The following HERC6 variants were observed in gnomAD, a reference collection of about 807,000 sequenced individuals.
The protein encoded by HERC6 is HECT and RLD domain containing E3 ubiquitin protein ligase family member 6, also known as probable E3 ubiquitin-protein ligase HERC6.
In HERC6, 101 loss-of-function variants were observed where a neutral mutation model predicts 114.5. The ratio of observed to expected loss-of-function variants is 0.88; its 90% CI spans 0.75 to 1.04. HERC6 has a LOEUF of 1.04. Among genes scored for constraint, HERC6 ranks in the 50% least tolerant of loss-of-function variants. The pLI, the probability that HERC6 is intolerant of heterozygous loss-of-function variation, is 0.00. For missense variants in HERC6, 1,133 were observed against 1,230.9 expected, an observed-to-expected ratio of 0.92 and a Z score of 1.19; for synonymous variants, 408 against 436.2, an observed-to-expected ratio of 0.94 and a Z score of 0.81.
At chr4:88,403,647 G>T (rs1028680336) in intron 8 of HERC6, among the ~76,000 whole-genome samples, 1 of 151,924 alleles carries the variant, frequency 6.6e-6, no homozygotes, top group African/African-American at 2.4e-5. Context: ...CCAGCTACTC[G>T]GGAGGCTGAG....
chr4:88,438,477 C>T (rs1738992448), intron 20 of HERC6, among the ~76,000 whole-genome samples: 1 of 152,116 alleles, frequency 6.6e-6, no homozygotes. Flanking sequence ...TTCCTGAGCT[C>T]AGGCAGTCCT....
At chr4:88,413,391 A>T in intron 12 of HERC6, 125 bp downstream of exon 12, 2 of 637,378 alleles carry the variant, frequency 3.1e-6, no homozygotes, top group Non-Finnish European at 5.3e-6. Context: ...CATGTAAATT[A>T]TTGAAAAGAT....
intron 5 of HERC6, among the ~76,000 whole-genome samples, chr4:88,394,278 G>A (rs982834306): frequency 3.3e-5 from 5 of 151,792 alleles, no homozygotes; most frequent in African/African-American, 4.8e-5. Flanking sequence ...TTCAAGACCA[G>A]CCTGGCCAAC....
At chr4:88,383,048 A>G in intron 1 of HERC6, 173 bp from the exon 2 acceptor site, 1 of 719,072 alleles carries the variant, frequency 1.4e-6, no homozygotes, top group Non-Finnish European at 2.2e-6. Context: ...CATACATTGA[A>G]TTTACTTCCT....
chr4:88,412,837 T>G (rs1736193525), intron 11 of HERC6, among the ~76,000 whole-genome samples: 1 of 152,234 alleles, frequency 6.6e-6, no homozygotes. Flanking sequence ...CTCATGGGAT[T>G]TCACTTTATT....
intron 13 of HERC6, among the ~76,000 whole-genome samples, chr4:88,421,666 G>T (rs1448307398): frequency 6.6e-6 from 1 of 152,086 alleles, no homozygotes; most frequent in Middle Eastern, 3.4e-3. Flanking sequence ...GACTGGTCCC[G>T]AACTCCTGAC....
At chr4:88,431,138 T>G (rs545157341) in intron 16 of HERC6, 24 bp from the exon 17 acceptor site, 1 of 1,594,750 alleles carries the variant, frequency 6.3e-7, no homozygotes, top group East Asian at 2.2e-5. Flanking sequence ...AGTCAGGATC[T>G]GGGACTATGT....
intron 20 of HERC6, 131 bp downstream of exon 20, chr4:88,437,912 G>T (rs1234434086): frequency 1.5e-6 from 1 of 680,976 alleles, no homozygotes; most frequent in Non-Finnish European, 2.5e-6. Context: ...GCTGAGGTGG[G>T]TGGATCACTT....
chr4:88,442,483 G>A lies in HERC6; in HGVS notation c.*23G>A, dbSNP rs1381634556. On this transcript the variant is annotated 3_prime_UTR_variant, in exon 23 of 23. Transcript: ENST00000264346. Reference sequence around the variant, plus strand: ...TAATCACCTCTGAGAGACTCAGGGTGGGCTTTCTCACACTTGGATCCTTCT... The same window carrying A: ...TAATCACCTCTGAGAGACTCAGGGTAGGCTTTCTCACACTTGGATCCTTCT... 3 of 1,560,346 alleles carry A rather than the reference G, an allele frequency of 1.9e-6. No homozygotes were observed. The highest frequency in any genetic ancestry group is 2.2e-5 in the South Asian group (2 of 89,188).
Position 88,385,570 on chromosome 4 carries a change from C to G in HERC6, c.431C>G (p.Ser144Ter). 6.7e-7 allele frequency: 1 copy of G among 1,489,486 alleles called. No individual in the cohort carries two copies. The highest frequency in any genetic ancestry group is 9.0e-7 in the Non-Finnish European group (1 of 1,111,586). 92.3% of individuals were successfully genotyped at this position (1,489,486 alleles called of 1,614,324 possible). ...SCGHYHSLAL[S>*]KDSQVFSWGK... is the part of the protein sequence containing the mutation. Reference sequence around the variant, plus strand: ...GGACACTACCACTCCCTGGCATTATCAAAAGGTAAGAAACACTTTTTGGAT... The same window carrying G: ...GGACACTACCACTCCCTGGCATTATGAAAAGGTAAGAAACACTTTTTGGAT... Residue 144 changes from serine (S) to a stop codon, truncating the protein, a stop_gained, in exon 3 of 23, where the codon TCA (serine) becomes TGA (stop). Transcript: ENST00000264346. LOFTEE classifies it high-confidence loss of function.
rs58142519 is a variant in HERC6, at chr4:88,385,024, GAA to G, written c.360-465_360-464del. Among the ~76,000 whole-genome samples the G allele has an allele frequency of 4.1e-5, 6 of 146,796 alleles. No individual in the cohort carries two copies. The East Asian group carries it at 5.9e-4, about 15-fold the overall frequency. On this transcript the variant is annotated intron_variant, in intron 2 of 22. Coordinates refer to ENST00000264346, the MANE Select transcript of HERC6 (RefSeq NM_017912.4). ...GGTGACAGAGCAAGACTCCGTCTGT[GAA>G]AAAAAAAAAGGAAATTGCTGATAGT...
At position 88,390,844 on chromosome 4, in the gene HERC6, C is replaced by T; in HGVS notation, c.629C>T (p.Ala210Val). The T allele has an allele frequency of 6.2e-7, 1 of 1,613,774 alleles. No individual in the cohort carries two copies. The highest frequency in any genetic ancestry group is 1.7e-5 in the Admixed American group (1 of 59,986). ...GTSFGWGSNS[A>V]GQLALSGRNV... ...TCGTTTGGCTGGGGAAGTAACAGTG[C>T]CGGGCAGCTGGCCCTCAGTGGGCGT... Residue 210 changes from alanine to valine, a missense_variant, in exon 4 of 23, where the codon GCC becomes GTC. Physicochemically the swap from Ala to Val is moderately conservative, Grantham distance 64 (BLOSUM62 0). Transcript: ENST00000264346.
intron 12 of HERC6, among the ~76,000 whole-genome samples, chr4:88,414,701 C>T (rs184302153): frequency 2.6e-4 from 40 of 152,232 alleles, no homozygotes; most frequent in African/African-American, 8.9e-4. Flanking sequence ...TAAACTGTCA[C>T]GGTGCTGGTG....
At chr4:88,402,012 T>C (rs1238929719) in intron 8 of HERC6, among the ~76,000 whole-genome samples, 1 of 152,170 alleles carries the variant, frequency 6.6e-6, no homozygotes, top group African/African-American at 2.4e-5. Context: ...AAAAGAGTTA[T>C]AGGTGTGATT....
intron 17 of HERC6, among the ~76,000 whole-genome samples, chr4:88,432,448 G>A (rs1016545752): frequency 1.3e-5 from 2 of 151,948 alleles, no homozygotes; most frequent in African/African-American, 2.4e-5. Flanking sequence ...GGCCAGGTGC[G>A]GTGGCTCACA....
intron 17 of HERC6, among the ~76,000 whole-genome samples, chr4:88,432,352 T>A (rs900923588): frequency 2.7e-5 from 4 of 150,642 alleles, no homozygotes; most frequent in Non-Finnish European, 5.9e-5. Flanking sequence ...GCCTTTCACA[T>A]AGGGATACTG....
At chr4:88,434,571 A>T (rs1325744424) in intron 17 of HERC6, among the ~76,000 whole-genome samples, 1 of 152,176 alleles carries the variant, frequency 6.6e-6, no homozygotes, top group Non-Finnish European at 1.5e-5. Context: ...CTAAAGAGAC[A>T]CAGGTTGGGG....
intron 3 of HERC6, among the ~76,000 whole-genome samples, chr4:88,388,022 G>T (rs1187445798): frequency 6.6e-6 from 1 of 152,194 alleles, no homozygotes; most frequent in Non-Finnish European, 1.5e-5. Context: ...TTTAGTGTTA[G>T]AAATTAACTT....
At chr4:88,383,598 A>T (rs1376094867) in intron 2 of HERC6, among the ~76,000 whole-genome samples, 2 of 151,784 alleles carry the variant, frequency 1.3e-5, no homozygotes, top group African/African-American at 4.8e-5. Flanking sequence ...CTCTCTACAA[A>T]AAAGACACAA....
Sources: gnomAD v4.1 joint callset for allele counts (sites outside exome capture counted in the v4.1 genomes callset) on GRCh38, gnomAD v4.1.1 for gene constraint, MANE v1.5 for transcripts, NCBI Gene and HGNC (gene_info 2026-07-23, HGNC 2026-07-21) for gene names.